SRGAP3: variants seen among roughly 807,000 people sequenced by gnomAD.
SRGAP3 encodes the protein SLIT-ROBO Rho GTPase activating protein 3.
SRGAP3 carries 39 observed loss-of-function variants against 121.1 expected under a neutral mutation model. That is an observed-to-expected ratio of 0.32 (90% CI 0.25 to 0.42). SRGAP3 has a LOEUF of 0.42. Ranked by LOEUF, SRGAP3 falls within the 10% of genes least tolerant of loss-of-function variation. The pLI is 1.00. For missense variants in SRGAP3, 1,213 were observed against 1,470.6 expected (o/e 0.82, Z 2.86); for synonymous variants, 601 against 570.0 (o/e 1.05, Z -0.77).
intron 3 of SRGAP3, among the ~76,000 whole-genome samples, chr3:9,320,899 C>T (rs1955428350): frequency 6.6e-6 from 1 of 151,698 alleles, no homozygotes; most frequent in Non-Finnish European, 1.5e-5. Flanking sequence ...AATATGTTCA[C>T]ATTATATATA....
Position 9,006,467 on chromosome 3 carries a change from C to G in SRGAP3, c.2227+3841G>C, listed in dbSNP as rs112111452. ...ACAACTGGGGTGTTTGTGCATAAAT[C>G]AACTAATGTCATTTTAATACCATCA... is the stretch of plus-strand genomic sequence containing the variant. On this transcript the variant is annotated intron_variant, in intron 18 of 21. Transcript: ENST00000383836. 7.5e-3 allele frequency among the ~76,000 whole-genome samples: 1,127 copies of G among 150,746 alleles called. 30 individuals carry two copies. Among genetic ancestry groups the G allele is most frequent in the African/African-American group, 0.026 (1,083 of 41,036 alleles).
At chr3:9,358,672 T>G (rs1351931759) in intron 1 of SRGAP3, among the ~76,000 whole-genome samples, 1 of 152,230 alleles carries the variant, frequency 6.6e-6, no homozygotes, top group African/African-American at 2.4e-5. Context: ...GTTGCAAGTT[T>G]GGGTCTCCAG....
intron 1 of SRGAP3, among the ~76,000 whole-genome samples, chr3:9,211,673 T>C (rs1046542624): frequency 2.0e-5 from 3 of 149,490 alleles, no homozygotes; most frequent in Admixed American, 1.3e-4. Flanking sequence ...TTCTTTTTTT[T>C]TTTTTTTTTT....
At chr3:9,359,868 T>C (rs2030704086) in intron 1 of SRGAP3, among the ~76,000 whole-genome samples, 1 of 152,206 alleles carries the variant, frequency 6.6e-6, no homozygotes, top group African/African-American at 2.4e-5. Flanking sequence ...CTGATGAACA[T>C]TTGGGTTGTT....
rs145946380 is a variant in SRGAP3, at chr3:9,292,365, A to G, written n.442+33645T>C. ...ACCACTGCATAGATCAATCCTATAC[A>G]TCGTTCAAAACCCTGCTTGGGTGAG... On this transcript the variant is annotated intron_variant and non_coding_transcript_variant, in intron 3 of 3. Transcript: ENST00000490889. 2.2e-3 allele frequency among the ~76,000 whole-genome samples: 338 copies of G among 152,260 alleles called. 2 individuals are homozygous for G. Among genetic ancestry groups the G allele is most frequent in the Middle Eastern group, 0.02 (6 of 294 alleles).
intron 2 of SRGAP3, among the ~76,000 whole-genome samples, chr3:9,107,967 A>C (rs1307121822): frequency 6.6e-6 from 1 of 152,328 alleles, no homozygotes; most frequent in South Asian, 2.1e-4. Context: ...AAATGGTCAG[A>C]AGTCAGAGAG....
chr3:9,015,551 C>A, intron 15 of SRGAP3, 46 bp downstream of exon 15: 1 of 1,611,648 alleles, frequency 6.2e-7, no homozygotes, highest in South Asian at 1.1e-5. Context: ...TCAACTCCAA[C>A]AATGATTTGT....
At chr3:9,285,906 G>C (rs1954758831) in intron 3 of SRGAP3, among the ~76,000 whole-genome samples, 1 of 151,212 alleles carries the variant, frequency 6.6e-6, no homozygotes, top group Non-Finnish European at 1.5e-5. Flanking sequence ...TCAATCCCAA[G>C]AGACCAGCCT....
intron 1 of SRGAP3, among the ~76,000 whole-genome samples, chr3:9,133,753 A>T (rs1949544320): frequency 6.6e-6 from 1 of 152,250 alleles, no homozygotes. Flanking sequence ...CAAGACTGCT[A>T]AACTGCCCTC....
At chr3:9,360,252 A>T (rs2030723805) in intron 1 of SRGAP3, among the ~76,000 whole-genome samples, 1 of 152,186 alleles carries the variant, frequency 6.6e-6, no homozygotes, top group Non-Finnish European at 1.5e-5. Context: ...TTGTTTGAAC[A>T]CTTGTTTTCA....
At chr3:9,028,801 T>G (rs1404435366) in intron 12 of SRGAP3, among the ~76,000 whole-genome samples, 2 of 152,158 alleles carry the variant, frequency 1.3e-5, no homozygotes, top group Non-Finnish European at 2.9e-5. Context: ...TCTTGACCCT[T>G]ACACTGGCAT....
intron 3 of SRGAP3, among the ~76,000 whole-genome samples, chr3:9,263,163 A>G (rs1219087341): frequency 6.6e-6 from 1 of 152,232 alleles, no homozygotes; most frequent in African/African-American, 2.4e-5. Flanking sequence ...AGTTCTTTGA[A>G]ACCAATGAGA....
intron 1 of SRGAP3, among the ~76,000 whole-genome samples, chr3:9,241,970 C>A (rs770397966): frequency 6.7e-6 from 1 of 148,358 alleles, no homozygotes; most frequent in African/African-American, 2.5e-5. Context: ...CCCAGCTACT[C>A]GGGAGGCTGA....
chr3:9,057,207 C>A (rs1055662533), intron 7 of SRGAP3, among the ~76,000 whole-genome samples: 1 of 152,154 alleles, frequency 6.6e-6, no homozygotes, highest in Non-Finnish European at 1.5e-5. Flanking sequence ...GGATTACAGA[C>A]GTGAGCCACC....
intron 1 of SRGAP3, among the ~76,000 whole-genome samples, chr3:9,207,831 C>T (rs748050712): frequency 3.9e-5 from 6 of 152,202 alleles, no homozygotes; most frequent in Non-Finnish European, 7.3e-5. Context: ...CTTCCCGGAC[C>T]TGGGGATATG....
intron 18 of SRGAP3, among the ~76,000 whole-genome samples, chr3:9,001,582 T>C (rs76488944): frequency 0.18 from 28,120 of 152,068 alleles, 3,072 homozygotes; most frequent in Non-Finnish European, 0.25. Context: ...AATCCAACTA[T>C]ATAAGTGGTA....
chr3:9,312,731 T>A (rs1218320817), intron 3 of SRGAP3, among the ~76,000 whole-genome samples: 2 of 152,140 alleles, frequency 1.3e-5, no homozygotes, highest in African/African-American at 2.4e-5. Flanking sequence ...ACACCTGTAA[T>A]CCCAGCCTTT....
chr3:9,329,914 G>A (rs769125336), intron 2 of SRGAP3, among the ~76,000 whole-genome samples: 6 of 152,094 alleles, frequency 3.9e-5, no homozygotes, highest in South Asian at 2.1e-4. Context: ...TGCCAAACCC[G>A]TTCTTAGCCA....
rs535540357 is a variant in SRGAP3, at chr3:9,011,112, A to G, written c.2148-725T>C. Among the ~76,000 whole-genome samples the G allele has an allele frequency of 4.6e-5, 7 of 152,278 alleles. No homozygotes were observed. In the East Asian group the frequency reaches 5.8e-4, roughly 13 times the overall value. ...GTGTGCTGGTAGGAGGGATGCAATGATAGATAAGGCGGACAAGGTTCCTGG... is the reference window on the plus strand; with the variant it reads ...GTGTGCTGGTAGGAGGGATGCAATGGTAGATAAGGCGGACAAGGTTCCTGG... On this transcript the variant is annotated intron_variant, in intron 17 of 21. Transcript: ENST00000383836.
Sources: gnomAD v4.1 joint callset for allele counts (sites outside exome capture counted in the v4.1 genomes callset) on GRCh38, gnomAD v4.1.1 for gene constraint, MANE v1.5 for transcripts, NCBI Gene and HGNC (gene_info 2026-07-23, HGNC 2026-07-21) for gene names.